The following MCM5 variants were observed in gnomAD, a reference collection of about 807,000 sequenced individuals.
The protein encoded by MCM5 is minichromosome maintenance complex component 5, also known as DNA replication licensing factor MCM5.
In MCM5, 46 loss-of-function variants were observed where a neutral mutation model predicts 79.9. The observed-to-expected ratio is 0.58, with a 90% CI of 0.45 to 0.74. The LOEUF (loss-of-function observed/expected upper bound fraction) is 0.74, where lower values mean the gene tolerates loss of function less well. Among genes scored for constraint, MCM5 ranks in the 30% least tolerant of loss-of-function variants. The probability of loss-of-function intolerance (pLI) is 0.00; values close to 1 mark genes in which losing one functional copy is unlikely to be tolerated. For synonymous variants in MCM5, 404 were observed against 390.5 expected, an observed-to-expected ratio of 1.03 and a Z score of -0.41; for missense variants, 883 against 1,017.0, an observed-to-expected ratio of 0.87 and a Z score of 1.79.
intron 14 of MCM5, 103 bp downstream of exon 14, chr22:35,420,115 C>G: frequency 7.2e-7 from 1 of 1,391,422 alleles, no homozygotes. Context: ...TCACTTGGCA[C>G]AGGCCCATAG....
rs1389092860 is a variant in MCM5 at position 35,410,859 on chromosome 22, C to T, written c.868C>T (p.Arg290Ter). ...CCGTGACAGGGTGGGCGTGGGCATC[C>T]GAAGCTCCTACATCCGTGTCCTGGG... is the stretch of plus-strand genomic sequence containing the variant. ...RGRDRVGVGI[R>*]SSYIRVLGIQ... The change falls in exon 7 of 17, where the codon CGA (arginine) becomes TGA (stop). Residue 290 changes from arginine (R) to a stop codon, truncating the protein, a stop_gained. Transcript: ENST00000216122. LOFTEE classifies it high-confidence loss of function. 2.5e-6 allele frequency: 4 copies of T among 1,613,376 alleles called. No individual in the cohort carries two copies. The highest frequency in any genetic ancestry group is 1.1e-5 in the South Asian group (1 of 91,046).
At chr22:35,406,856 C>G (rs962571928) in intron 5 of MCM5, 131 bp downstream of exon 5, 1 of 936,770 alleles carries the variant, frequency 1.1e-6, no homozygotes, top group African/African-American at 1.6e-5. Flanking sequence ...GGGGTGTGCC[C>G]TTAGGATTGG....
At chr22:35,443,158 G>A in the MCM5 span, among the ~76,000 whole-genome samples, 1 of 152,164 alleles carries the variant, frequency 6.6e-6, no homozygotes, top group East Asian at 1.9e-4. Context: ...TGCCACATGA[G>A]CATGAGTGAG....
chr22:35,400,936 CAG>C (rs1932028717), intron 2 of MCM5, among the ~76,000 whole-genome samples: 1 of 152,204 alleles, frequency 6.6e-6, no homozygotes, highest in Non-Finnish European at 1.5e-5. Flanking sequence ...TCTTGTGCCT[CAG>C]CCTCCCGAGT....
chr22:35,438,776 C>A, the MCM5 span, among the ~76,000 whole-genome samples: 3 of 133,808 alleles, frequency 2.2e-5, no homozygotes, highest in Non-Finnish European at 4.8e-5. Context: ...TCTACCCACC[C>A]ACATATTCAT....
the MCM5 span, among the ~76,000 whole-genome samples, chr22:35,441,597 G>T: frequency 6.6e-6 from 1 of 152,168 alleles, no homozygotes; most frequent in African/African-American, 2.4e-5. Context: ...TTGGAACCCA[G>T]GCAGTGGGTG....
At chr22:35,433,022 C>A in the MCM5 span, among the ~76,000 whole-genome samples, 1 of 152,200 alleles carries the variant, frequency 6.6e-6, no homozygotes, top group East Asian at 1.9e-4. Context: ...GCACCCTCAA[C>A]CTTGTGGGCT....
chr22:35,423,054 C>T, intron 15 of MCM5, 160 bp from the exon 16 acceptor site: 1 of 614,966 alleles, frequency 1.6e-6, no homozygotes, highest in East Asian at 3.1e-5. Flanking sequence ...TATCCTGTCT[C>T]CTCAATCAGG....
intron 14 of MCM5, among the ~76,000 whole-genome samples, 199 bp downstream of exon 14, chr22:35,420,211 C>T (rs1320418219): frequency 2.0e-5 from 3 of 152,200 alleles, no homozygotes; most frequent in African/African-American, 4.8e-5. Context: ...GATTTAAGGC[C>T]GGGCAAACCT....
At chr22:35,415,703 T>A (rs1171321456) in intron 9 of MCM5, 126 bp from the exon 10 acceptor site, 2 of 1,089,074 alleles carry the variant, frequency 1.8e-6, no homozygotes, top group Non-Finnish European at 2.7e-6. Flanking sequence ...TGAGTCCTAT[T>A]CTGTACCCTG....
At chr22:35,421,693 C>G (rs1932699913) in intron 15 of MCM5, 2 of 599,020 alleles carry the variant, frequency 3.3e-6, no homozygotes, top group African/African-American at 3.7e-5. Flanking sequence ...ACACAATCCT[C>G]TTGACCCAGG....
At chr22:35,438,855 A>C in the MCM5 span, among the ~76,000 whole-genome samples, 3 of 44,414 alleles carry the variant, frequency 6.8e-5, no homozygotes, top group Admixed American at 2.0e-4. Flanking sequence ...ATCCACCCAC[A>C]TATCCATCCA....
the MCM5 span, among the ~76,000 whole-genome samples, chr22:35,430,502 C>CTTTTT: frequency 7.2e-6 from 1 of 138,748 alleles, no homozygotes; most frequent in Non-Finnish European, 1.6e-5. Flanking sequence ...CCAGTGGGGA[C>CTTTTT]TTTTTTTTTT....
the MCM5 span, among the ~76,000 whole-genome samples, chr22:35,442,185 C>T: frequency 6.6e-6 from 1 of 151,958 alleles, no homozygotes; most frequent in Non-Finnish European, 1.5e-5. Flanking sequence ...ACACCCCATG[C>T]CACCCGTGTA....
chr22:35,400,718 A>G lies in MCM5; in HGVS notation c.167+113A>G, dbSNP rs564615205. 306 of 1,224,762 alleles carry G rather than the reference A, an allele frequency of 2.5e-4. 1 individual carries two copies. The African/African-American group carries it at 3.5e-3, about 14-fold the overall frequency. The allele number at this position is 1,224,762 out of a possible 1,614,324, so 75.9% of individuals were successfully genotyped here. On this transcript the variant is annotated intron_variant, in intron 2 of 16. Transcript: ENST00000216122. ...GCACAGATGGGCCCAGACGGGGGAAAGAGCCGGTCCTGGGTCACAGGGCTC... is the reference window on the plus strand; with the variant it reads ...GCACAGATGGGCCCAGACGGGGGAAGGAGCCGGTCCTGGGTCACAGGGCTC...
chr22:35,412,501 C>G lies in MCM5; in HGVS notation c.920-9C>G. ...TGTACTCACTCATGCGCCTGCTTTG[C>G]CTACCAAGGCCGCAGCTTTGCTGGG... On this transcript the variant is annotated splice_polypyrimidine_tract_variant and intron_variant, in intron 7 of 16. Coordinates refer to ENST00000216122, the MANE Select transcript of MCM5 (RefSeq NM_006739.4). 6.5e-7 allele frequency: 1 copy of G among 1,528,870 alleles called. No individual in the cohort carries two copies. Among genetic ancestry groups the G allele is most frequent in the Non-Finnish European group, 8.8e-7 (1 of 1,135,770 alleles). 94.7% of individuals were successfully genotyped at this position (1,528,870 alleles called of 1,614,324 possible). A position where few individuals can be genotyped will look rare whatever the true frequency, so the allele number is the denominator to read the frequency against.
the MCM5 span, among the ~76,000 whole-genome samples, chr22:35,430,525 G>A: frequency 6.9e-6 from 1 of 144,836 alleles, no homozygotes; most frequent in African/African-American, 2.5e-5. Context: ...TTTTGAGATG[G>A]AGTCTCGCTC....
In MCM5 at chr22:35,403,466, C is replaced by A. The variant is rs777273291; in HGVS notation, c.347C>A (p.Ser116Tyr). The change falls in exon 4 of 17, where the codon TCT becomes TAT. Residue 116 changes from serine (S) to tyrosine (Y), a missense_variant. Ser to Tyr is a moderately radical substitution (Grantham distance 144). Transcript: ENST00000216122. Reference sequence around the variant, plus strand: ...GATGAGGTGACCCGGCCCCGGCCTTCTGGGGAGGAGGTGCTCCAGGACATC... The same window carrying A: ...GATGAGGTGACCCGGCCCCGGCCTTATGGGGAGGAGGTGCTCCAGGACATC... ...VADEVTRPRP[S>Y]GEEVLQDIQV... The A allele has an allele frequency of 6.2e-7, 1 of 1,614,170 alleles. No individual in the cohort carries two copies. The highest frequency in any genetic ancestry group is 8.5e-7 in the Non-Finnish European group (1 of 1,180,034).
At chr22:35,414,014 C>T in intron 9 of MCM5, 28 bp downstream of exon 9, 1 of 1,514,750 alleles carries the variant, frequency 6.6e-7, no homozygotes, top group Non-Finnish European at 9.2e-7. Flanking sequence ...CCTTTGCCAC[C>T]TTGGCTTGCA....
Sources: gnomAD v4.1 joint callset for allele counts (sites outside exome capture counted in the v4.1 genomes callset) on GRCh38, gnomAD v4.1.1 for gene constraint, MANE v1.5 for transcripts, NCBI Gene and HGNC (gene_info 2026-07-23, HGNC 2026-07-21) for gene names.